AFAP1: variants seen among roughly 807,000 people sequenced by gnomAD.
AFAP1 encodes the protein actin filament-associated protein 1.
Under a neutral mutation model 93.9 loss-of-function variants are expected in AFAP1, and 75 were observed. That is an observed-to-expected ratio of 0.80 (90% confidence interval 0.66 to 0.97). AFAP1 has a LOEUF of 0.97. AFAP1 is among the 50% of genes least tolerant of loss of function. The pLI is 0.00. For synonymous variants in AFAP1, 517 were observed against 430.7 expected, an observed-to-expected ratio of 1.20 and a Z score of -2.48; for missense variants, 1,201 against 1,050.8, an observed-to-expected ratio of 1.14 and a Z score of -1.98.
At position 7,778,795 on chromosome 4, in the gene AFAP1, C is replaced by T. The variant is rs1716428102; in HGVS notation, c.1864G>A (p.Asp622Asn). Residue 622 changes from aspartate to asparagine, a missense_variant, in exon 14 of 18, where the codon GAT (aspartate) becomes AAT (asparagine). Asp to Asn is a conservative substitution (Grantham distance 23). Coordinates refer to ENST00000420658, the MANE Select transcript of AFAP1 (RefSeq NM_001134647.2). ...KTLSSQPKKA[D>N]PAAVVKRTGS... is the part of the protein sequence containing the mutation. The stretch of plus-strand genomic sequence containing the variant: ...GTCCTTTTCACAACAGCCGCGGGAT[C>T]CGCTTTCTTTGGCTGACTGCTCAGA... 1.2e-6 allele frequency: 2 copies of T among 1,614,224 alleles called. No homozygotes were observed. The highest frequency in any genetic ancestry group is 1.7e-5 in the Admixed American group (1 of 60,030).
intron 17 of AFAP1, among the ~76,000 whole-genome samples, chr4:7,766,010 G>A (rs1416044621): frequency 6.6e-6 from 1 of 152,200 alleles, no homozygotes; most frequent in East Asian, 1.9e-4. Context: ...ACTGGGTCAT[G>A]AGTACACTGC....
At chr4:7,908,120 G>A (rs942109502) in intron 1 of AFAP1, among the ~76,000 whole-genome samples, 8 of 151,992 alleles carry the variant, frequency 5.3e-5, no homozygotes, top group South Asian at 2.1e-4. Context: ...GCTGAGGCAC[G>A]AGAATCGCTT....
rs1179908473 is a variant in AFAP1 at position 7,758,991 on chromosome 4, G to C, written c.*4774C>G. The C allele has an allele frequency of 6.6e-6, 1 of 152,460 alleles. No homozygotes were observed. The highest frequency in any genetic ancestry group is 1.5e-5 in the Non-Finnish European group (1 of 68,008). The allele number at this position is 152,460 out of a possible 1,614,324, so 9.4% of individuals were successfully genotyped here. On this transcript the variant is annotated 3_prime_UTR_variant, in exon 18 of 18. Transcript: ENST00000420658. The stretch of plus-strand genomic sequence containing the variant: ...ACATATTTAATTTAAAAAAATCTTT[G>C]CTGTTTCTTTGCCTGTTTCTTTCAA...
At chr4:7,898,236 C>A (rs1028012241) in intron 1 of AFAP1, among the ~76,000 whole-genome samples, 1 of 152,016 alleles carries the variant, frequency 6.6e-6, no homozygotes, top group African/African-American at 2.4e-5. Context: ...ATGGTGAAAC[C>A]CCTCTAATAA....
intron 14 of AFAP1, chr4:7,776,695 A>G (rs1483159583): frequency 6.6e-6 from 1 of 152,230 alleles, no homozygotes; most frequent in Non-Finnish European, 1.5e-5. Context: ...AAAGAACCAC[A>G]TAGAATGACA....
intron 1 of AFAP1, among the ~76,000 whole-genome samples, chr4:7,929,065 G>C (rs1720922190): frequency 6.6e-6 from 1 of 152,232 alleles, no homozygotes; most frequent in African/African-American, 2.4e-5. Context: ...TCTCAGGAGA[G>C]GAGGCAGGGG....
chr4:7,934,115 A>G (rs1721250666), intron 1 of AFAP1, among the ~76,000 whole-genome samples: 1 of 152,240 alleles, frequency 6.6e-6, no homozygotes. Context: ...TTCTGACAGA[A>G]CAGATACAGT....
chr4:7,906,976 T>C (rs1719441231), intron 1 of AFAP1, among the ~76,000 whole-genome samples: 1 of 142,764 alleles, frequency 7.0e-6, no homozygotes, highest in African/African-American at 2.6e-5. Flanking sequence ...CACTCCAGCC[T>C]GGGTGACAAA....
At chr4:7,878,404 TC>T (rs1252858019) in intron 1 of AFAP1, among the ~76,000 whole-genome samples, 2 of 152,130 alleles carry the variant, frequency 1.3e-5, no homozygotes, top group East Asian at 3.9e-4. Flanking sequence ...AGAGTGGCCT[TC>T]CCCTTATACC....
At chr4:7,843,111 A>C (rs745976240) in intron 5 of AFAP1, 28 bp downstream of exon 5, 10 of 1,608,766 alleles carry the variant, frequency 6.2e-6, no homozygotes, top group Non-Finnish European at 8.5e-6. Context: ...AATCTTACAA[A>C]AAATGCAAGC....
At chr4:7,768,823 C>G (rs1387687861) in intron 17 of AFAP1, 21 bp downstream of exon 17, 1 of 1,561,050 alleles carries the variant, frequency 6.4e-7, no homozygotes, top group South Asian at 1.2e-5. Flanking sequence ...CACCCAGACA[C>G]CCCCGGACAT....
chr4:7,844,525 G>A (rs1713458737), intron 4 of AFAP1, among the ~76,000 whole-genome samples: 1 of 152,138 alleles, frequency 6.6e-6, no homozygotes, highest in Non-Finnish European at 1.5e-5. Flanking sequence ...GCCCAACACA[G>A]AGCGGATCGC....
intron 1 of AFAP1, among the ~76,000 whole-genome samples, chr4:7,925,017 C>T (rs1015649899): frequency 6.6e-6 from 1 of 152,120 alleles, no homozygotes; most frequent in Non-Finnish European, 1.5e-5. Flanking sequence ...CGTTCTTTTC[C>T]ATCCTGAAGC....
Position 7,793,972 on chromosome 4 carries a change from T to C in AFAP1, c.1267-146A>G, listed in dbSNP as rs796277750. 2.5e-5 allele frequency: 23 copies of C among 925,276 alleles called. No homozygotes were observed. The African/African-American group carries it at 3.3e-4, about 13-fold the overall frequency. The allele number at this position is 925,276 out of a possible 1,614,324, so 57.3% of individuals were successfully genotyped here. A position where few individuals can be genotyped will look rare whatever the true frequency, so the allele number is the denominator to read the frequency against. Reference sequence around the variant, plus strand: ...AACGAAAAGGAAGATGGCTGAGCGATGGGATTAACGTCACGTTCGCAGCAG... The same window carrying C: ...AACGAAAAGGAAGATGGCTGAGCGACGGGATTAACGTCACGTTCGCAGCAG... On this transcript the variant is annotated intron_variant, in intron 10 of 17. Coordinates refer to ENST00000420658, the MANE Select transcript of AFAP1 (RefSeq NM_001134647.2).
At chr4:7,905,936 C>A (rs1719375154) in intron 1 of AFAP1, among the ~76,000 whole-genome samples, 1 of 152,192 alleles carries the variant, frequency 6.6e-6, no homozygotes, top group Non-Finnish European at 1.5e-5. Context: ...CAGGGGGACA[C>A]GCATGCAACG....
rs147608397 is a variant in AFAP1 at position 7,768,973 on chromosome 4, C to G, written c.2289G>C (p.Ser763=). ...PVFRHRTLEN[S]PISSCDTSDT... ...CACTGGTGTCACAGCTGGAGATGGG[C>G]GAGTTTTCCAGGGTCCGGTGCCGGA... The change falls in exon 17 of 18, where the codon TCG becomes TCC. Residue 763 remains serine (S), a synonymous_variant. Transcript: ENST00000420658. The G allele has an allele frequency of 1.2e-6, 2 of 1,613,534 alleles. No individual in the cohort carries two copies. The highest frequency in any genetic ancestry group is 1.1e-5 in the South Asian group (1 of 91,006).
chr4:7,827,656 A>G (rs1721555015), intron 6 of AFAP1, among the ~76,000 whole-genome samples: 1 of 149,812 alleles, frequency 6.7e-6, no homozygotes, highest in Non-Finnish European at 1.5e-5. Context: ...AGCTTTTGAG[A>G]GACACCAACC....
intron 15 of AFAP1, 190 bp downstream of exon 15, chr4:7,774,549 G>C: frequency 2.3e-6 from 2 of 866,078 alleles, no homozygotes; most frequent in Non-Finnish European, 3.4e-6. Context: ...CCGCATGTTT[G>C]ACCACACAGG....
At chr4:7,916,434 A>T (rs1430168025) in intron 1 of AFAP1, among the ~76,000 whole-genome samples, 6 of 152,192 alleles carry the variant, frequency 3.9e-5, no homozygotes, top group African/African-American at 1.4e-4. Context: ...CGTCTCAAAA[A>T]GCTTCCAGCC....
Sources: allele counts gnomAD v4.1 joint callset (sites outside exome capture counted in the v4.1 genomes callset), GRCh38; gene constraint gnomAD v4.1.1; transcripts MANE v1.5; gene names NCBI Gene and HGNC (gene_info 2026-07-23, HGNC 2026-07-21).